Variants in UST observed in about 807,000 individuals in gnomAD.
UST encodes uronyl 2-sulfotransferase.
Under a neutral mutation model 45.6 loss-of-function variants are expected in UST, and 21 were observed. The ratio of observed to expected loss-of-function variants is 0.46; its 90% CI spans 0.33 to 0.66. UST has a LOEUF of 0.66. Ranked by LOEUF, UST falls within the 30% of genes least tolerant of loss-of-function variation. The pLI is 0.02. For missense variants in UST, 463 were observed against 512.4 expected, an observed-to-expected ratio of 0.90 and a Z score of 0.93; for synonymous variants, 215 against 200.6, an observed-to-expected ratio of 1.07 and a Z score of -0.61.
intron 1 of UST, among the ~76,000 whole-genome samples, chr6:148,799,213 T>G (rs901914401): frequency 6.6e-6 from 1 of 152,138 alleles, no homozygotes; most frequent in Non-Finnish European, 1.5e-5. Context: ...TACGTAGGTT[T>G]GGATAATAGA....
chr6:148,897,514 C>T (rs1779159111), intron 2 of UST, among the ~76,000 whole-genome samples: 1 of 149,236 alleles, frequency 6.7e-6, no homozygotes, highest in African/African-American at 2.5e-5. Context: ...TTTTTAGAGA[C>T]ACAGTCTTGC....
intron 4 of UST, among the ~76,000 whole-genome samples, chr6:148,959,571 G>A (rs1780604421): frequency 1.3e-5 from 2 of 152,126 alleles, no homozygotes; most frequent in African/African-American, 4.8e-5. Flanking sequence ...TATGGGGAGT[G>A]GATCTCTGCC....
chr6:148,823,516 TA>T (rs1436198003), intron 1 of UST, among the ~76,000 whole-genome samples: 20 of 152,180 alleles, frequency 1.3e-4, no homozygotes, highest in African/African-American at 4.3e-4. Context: ...AGAGGAGAAT[TA>T]TATTTTCTTT....
chr6:148,941,825 G>C (rs557950150), intron 3 of UST, among the ~76,000 whole-genome samples: 1 of 152,242 alleles, frequency 6.6e-6, no homozygotes. Flanking sequence ...CAATGTCCAG[G>C]ATCTTTATGG....
intron 5 of UST, among the ~76,000 whole-genome samples, chr6:148,999,785 A>G (rs1781513708): frequency 7.2e-6 from 1 of 139,226 alleles, no homozygotes; most frequent in South Asian, 2.1e-4. Context: ...CCATGCCTCT[A>G]CACTCAGCAT....
intron 1 of UST, among the ~76,000 whole-genome samples, chr6:148,843,590 G>A (rs1777927286): frequency 6.6e-6 from 1 of 152,170 alleles, no homozygotes; most frequent in Admixed American, 6.5e-5. Flanking sequence ...CATTTTGCAG[G>A]TAAGAAAATT....
At chr6:149,056,203 C>A in intron 7 of UST, among the ~76,000 whole-genome samples, 1 of 121,292 alleles carries the variant, frequency 8.2e-6, no homozygotes, top group Admixed American at 8.3e-5. Flanking sequence ...CAACCTCTGC[C>A]TCCCGGGTTC....
rs1303395323 is a variant in UST, at chr6:149,019,326, TC to T, written c.779+93del. 6.4e-6 allele frequency: 6 copies of T among 938,044 alleles called. No homozygotes were observed. In the Admixed American group the frequency reaches 9.2e-5, roughly 14 times the overall value. The allele number at this position is 938,044 out of a possible 1,614,324, so 58.1% of individuals were successfully genotyped here. The stretch of plus-strand genomic sequence containing the variant: ...TGGTACTCGGTGGGAATCTTTTGTA[TC>T]CCTAGTCTCTCAACCTTCTGGAATT... On this transcript the variant is annotated intron_variant, in intron 6 of 7. Coordinates refer to ENST00000367463, the MANE Select transcript of UST (RefSeq NM_005715.3).
intron 5 of UST, among the ~76,000 whole-genome samples, chr6:148,977,751 C>CAAAA (rs60475773): frequency 6.9e-4 from 61 of 87,926 alleles, no homozygotes; most frequent in African/African-American, 9.4e-4. Flanking sequence ...GAATCTGTCT[C>CAAAA]AAAAAAAAAA....
At chr6:149,047,034 C>A (rs1415286365) in intron 7 of UST, among the ~76,000 whole-genome samples, 1 of 152,168 alleles carries the variant, frequency 6.6e-6, no homozygotes, top group Non-Finnish European at 1.5e-5. Flanking sequence ...TGAAAATCAC[C>A]TTTGAAGTCA....
chr6:149,033,713 C>G (rs1307547239), intron 7 of UST, among the ~76,000 whole-genome samples: 2 of 152,208 alleles, frequency 1.3e-5, no homozygotes, highest in Non-Finnish European at 2.9e-5. Flanking sequence ...ATAGCATACG[C>G]TTCTAGATGC....
At chr6:148,781,650 A>T (rs899310621) in intron 1 of UST, among the ~76,000 whole-genome samples, 5 of 152,192 alleles carry the variant, frequency 3.3e-5, no homozygotes, top group Non-Finnish European at 7.3e-5. Flanking sequence ...TAGGAAGAAG[A>T]TGCCATCTAG....
intron 2 of UST, among the ~76,000 whole-genome samples, chr6:148,894,418 C>A (rs751849449): frequency 2.6e-5 from 4 of 152,096 alleles, no homozygotes; most frequent in Non-Finnish European, 5.9e-5. Context: ...GAGATAGAGA[C>A]CCACAGGAGA....
intron 4 of UST, chr6:148,955,813 C>G (rs1405993002): frequency 6.6e-6 from 1 of 152,164 alleles, no homozygotes; most frequent in Non-Finnish European, 1.5e-5. Context: ...TCTTTACAAC[C>G]AAACAGATTG....
At chr6:148,881,188 C>G (rs534712351) in intron 1 of UST, among the ~76,000 whole-genome samples, 1 of 152,130 alleles carries the variant, frequency 6.6e-6, no homozygotes, top group Non-Finnish European at 1.5e-5. Flanking sequence ...CCTTTTGTCT[C>G]CTCCGCTTAC....
At chr6:148,912,412 T>C (rs1263679508) in intron 2 of UST, among the ~76,000 whole-genome samples, 2 of 152,238 alleles carry the variant, frequency 1.3e-5, no homozygotes, top group Non-Finnish European at 2.9e-5. Flanking sequence ...AGCAGGCCCA[T>C]ATCCCTGCGT....
intron 5 of UST, among the ~76,000 whole-genome samples, chr6:148,992,679 A>G (rs897516029): frequency 6.6e-6 from 1 of 152,194 alleles, no homozygotes; most frequent in Non-Finnish European, 1.5e-5. Context: ...CAAGCGTTTA[A>G]GGTAGAATTT....
At chr6:148,954,063 A>C in intron 4 of UST, 112 bp downstream of exon 4, 2 of 761,628 alleles carry the variant, frequency 2.6e-6, no homozygotes, top group Non-Finnish European at 3.9e-6. Flanking sequence ...AGACATTTTT[A>C]ATCCGTTTAT....
At chr6:148,822,196 C>T (rs1777480499) in intron 1 of UST, among the ~76,000 whole-genome samples, 1 of 152,196 alleles carries the variant, frequency 6.6e-6, no homozygotes, top group African/African-American at 2.4e-5. Context: ...TACACGTGCA[C>T]ACACACGTCT....
Sources: allele counts gnomAD v4.1 joint callset (sites outside exome capture counted in the v4.1 genomes callset), GRCh38; gene constraint gnomAD v4.1.1; transcripts MANE v1.5; gene names NCBI Gene and HGNC (gene_info 2026-07-23, HGNC 2026-07-21).